The following SPA17 variants were observed in gnomAD, a reference collection of about 807,000 sequenced individuals.
The protein encoded by SPA17 is sperm surface protein Sp17.
SPA17 carries 7 observed loss-of-function variants against 13.8 expected under a neutral mutation model. That is an observed-to-expected ratio of 0.51 (90% CI 0.29 to 0.95). SPA17 has a LOEUF of 0.95. Among genes scored for constraint, SPA17 ranks in the 40% least tolerant of loss-of-function variants. SPA17 has a pLI of 0.08. For synonymous variants in SPA17, 61 were observed against 59.0 expected (o/e 1.03, Z -0.16); for missense variants, 170 against 179.3 (o/e 0.95, Z 0.30).
At chr11:124,678,690 G>A (rs1943498237) in intron 2 of SPA17, among the ~76,000 whole-genome samples, 2 of 152,086 alleles carry the variant, frequency 1.3e-5, no homozygotes, top group South Asian at 4.1e-4. Flanking sequence ...GGGAACTACA[G>A]GCATGCACAA....
intron 3 of SPA17, among the ~76,000 whole-genome samples, chr11:124,688,296 C>T (rs1943594388): frequency 6.6e-6 from 1 of 152,176 alleles, no homozygotes. Flanking sequence ...TACAGGCATG[C>T]ATCACCATGA....
rs1006805975 is a variant in SPA17 at position 124,673,959 on chromosome 11, C to T, written c.-28+7C>T. 1 of 563,684 alleles carries T rather than the reference C, an allele frequency of 1.8e-6. No homozygotes were observed. The highest frequency in any genetic ancestry group is 3.2e-6 in the Non-Finnish European group (1 of 316,208). 34.9% of individuals were successfully genotyped at this position (563,684 alleles called of 1,614,324 possible). ...CAGCTCGGAGAGAAAGGAGGTGAGG[C>T]CGCTTCCCCACTTCCTCTCCGATAC... On this transcript the variant is annotated splice_region_variant and intron_variant, in intron 1 of 4. Coordinates refer to ENST00000227135, the MANE Select transcript of SPA17 (RefSeq NM_017425.4).
intron 2 of SPA17, among the ~76,000 whole-genome samples, chr11:124,680,899 A>T (rs1943522799): frequency 1.3e-5 from 2 of 152,106 alleles, no homozygotes; most frequent in South Asian, 4.1e-4. Context: ...TTTTTATAAT[A>T]TAAAGTTAAA....
chr11:124,681,264 T>A, intron 2 of SPA17, 125 bp from the exon 3 acceptor site: 1 of 573,412 alleles, frequency 1.7e-6, no homozygotes, highest in Non-Finnish European at 2.8e-6. Context: ...ACAATGTCAA[T>A]AAGATTTTGG....
chr11:124,680,009 TAAAAG>T, intron 2 of SPA17, among the ~76,000 whole-genome samples: 1 of 152,296 alleles, frequency 6.6e-6, no homozygotes, highest in East Asian at 1.9e-4. Context: ...AACTGGTAAA[TAAAAG>T]GAAAGGAAAG....
chr11:124,686,443 T>G (rs1031066523), intron 3 of SPA17, among the ~76,000 whole-genome samples: 5 of 152,226 alleles, frequency 3.3e-5, no homozygotes, highest in African/African-American at 4.8e-5. Context: ...CAAATGGACC[T>G]AACAAACATT....
intron 3 of SPA17, among the ~76,000 whole-genome samples, chr11:124,690,397 G>A (rs1943614248): frequency 6.6e-6 from 1 of 152,148 alleles, no homozygotes; most frequent in Admixed American, 6.5e-5. Context: ...TCATTCATAA[G>A]TGGGTGCTGA....
At position 124,697,275 on chromosome 11, in the gene SPA17, G is replaced by A. The variant is rs1591410120; in HGVS notation, c.*2829G>A. 1 of 152,258 alleles carries A rather than the reference G, an allele frequency of 6.6e-6. No individual in the cohort carries two copies. Among genetic ancestry groups the A allele is most frequent in the Non-Finnish European group, 1.5e-5 (1 of 68,074 alleles). The allele number at this position is 152,258 out of a possible 1,614,324, so 9.4% of individuals were successfully genotyped here. A position where few individuals can be genotyped will look rare whatever the true frequency, so the allele number is the denominator to read the frequency against. On this transcript the variant is annotated 3_prime_UTR_variant, in exon 5 of 5. Coordinates refer to ENST00000227135, the MANE Select transcript of SPA17 (RefSeq NM_017425.4). ...TGTAGGTCAGTGGTAATGTAGCTAA[G>A]CTAGGCTGGACTACAATCTCAAGGT...
chr11:124,681,858 C>T (rs1943533293), intron 3 of SPA17, among the ~76,000 whole-genome samples: 1 of 152,098 alleles, frequency 6.6e-6, no homozygotes, highest in Non-Finnish European at 1.5e-5. Flanking sequence ...TAAGCAATAG[C>T]AGGTACTCCA....
chr11:124,678,671 C>A (rs896731673), intron 2 of SPA17, among the ~76,000 whole-genome samples: 10 of 152,034 alleles, frequency 6.6e-5, no homozygotes, highest in Admixed American at 5.9e-4. Context: ...TTCAGCCTCC[C>A]AAGTAGTTGG....
chr11:124,674,685 C>T (rs929777132), intron 1 of SPA17: 1 of 152,226 alleles, frequency 6.6e-6, no homozygotes, highest in African/African-American at 2.4e-5. Flanking sequence ...CATCCCATCC[C>T]TCCCTCACAC....
At chr11:124,686,346 T>G (rs1399891900) in intron 3 of SPA17, among the ~76,000 whole-genome samples, 3 of 152,198 alleles carry the variant, frequency 2.0e-5, no homozygotes, top group Non-Finnish European at 4.4e-5. Context: ...CCTCTTTTCT[T>G]TATAAATTAC....
intron 2 of SPA17, among the ~76,000 whole-genome samples, chr11:124,679,574 A>T (rs1943506283): frequency 6.6e-6 from 1 of 152,188 alleles, no homozygotes; most frequent in Admixed American, 6.5e-5. Context: ...AAAATGAAAG[A>T]AGTATTTTCT....
In SPA17 at chr11:124,680,229, G is replaced by A. The variant is rs190863733; in HGVS notation, c.155-1160G>A. Among the ~76,000 whole-genome samples, 18 of 152,196 alleles carry A rather than the reference G, an allele frequency of 1.2e-4. 1 individual carries two copies. The East Asian group carries it at 1.7e-3, about 15-fold the overall frequency. Reference sequence around the variant, plus strand: ...ATAAAAATTATAAAAAGAGTAACCAGATATTATAAATTTTATGACAGAATT... The same window carrying A: ...ATAAAAATTATAAAAAGAGTAACCAAATATTATAAATTTTATGACAGAATT... On this transcript the variant is annotated intron_variant, in intron 2 of 4. Coordinates refer to ENST00000227135, the MANE Select transcript of SPA17 (RefSeq NM_017425.4).
At chr11:124,680,536 C>G (rs556933392) in intron 2 of SPA17, among the ~76,000 whole-genome samples, 5 of 152,242 alleles carry the variant, frequency 3.3e-5, no homozygotes, top group Admixed American at 2.0e-4. Flanking sequence ...TGTGTGTGCC[C>G]GTTTTCGGGG....
At chr11:124,688,179 A>G (rs917965280) in intron 3 of SPA17, among the ~76,000 whole-genome samples, 4 of 152,152 alleles carry the variant, frequency 2.6e-5, no homozygotes, top group African/African-American at 9.7e-5. Context: ...ACACTGAATA[A>G]TGTTTTTGTC....
At chr11:124,691,817 A>C (rs375022508) in intron 4 of SPA17, 35 bp downstream of exon 4, 2 of 1,422,144 alleles carry the variant, frequency 1.4e-6, no homozygotes, top group South Asian at 2.4e-5. Flanking sequence ...TTGGATTCCT[A>C]CAAAGAATGA....
At chr11:124,687,802 A>G (rs1482427329) in intron 3 of SPA17, among the ~76,000 whole-genome samples, 3 of 152,222 alleles carry the variant, frequency 2.0e-5, no homozygotes, top group East Asian at 3.8e-4. Flanking sequence ...AATAAATGCC[A>G]TGCACAAAAA....
chr11:124,690,916 G>A (rs1464813268), intron 3 of SPA17, among the ~76,000 whole-genome samples: 1 of 152,160 alleles, frequency 6.6e-6, no homozygotes, highest in Non-Finnish European at 1.5e-5. Flanking sequence ...GTATGGGTGT[G>A]TTCTGTGTAT....
Sources: gnomAD v4.1 joint callset for allele counts (sites outside exome capture counted in the v4.1 genomes callset) on GRCh38, gnomAD v4.1.1 for gene constraint, MANE v1.5 for transcripts, NCBI Gene and HGNC (gene_info 2026-07-23, HGNC 2026-07-21) for gene names.